Variants in DNAJC6 observed in about 807,000 individuals in gnomAD.
DNAJC6 encodes DnaJ heat shock protein family (Hsp40) member C6.
A neutral mutation model predicts 110.0 loss-of-function variants in DNAJC6; 34 were observed. The ratio of observed to expected loss-of-function variants is 0.31; its 90% CI spans 0.24 to 0.41. The LOEUF is 0.41. DNAJC6 is among the 10% of genes least tolerant of loss of function. The probability of loss-of-function intolerance (pLI) is 1.00; values close to 1 mark genes in which losing one functional copy is unlikely to be tolerated. For missense variants in DNAJC6, 1,031 were observed against 1,207.8 expected (o/e 0.85, Z 2.17); for synonymous variants, 406 against 437.2 (o/e 0.93, Z 0.89).
chr1:65,266,959 C>T lies in DNAJC6; in HGVS notation c.-131+2027C>T, dbSNP rs190452903. 4.8e-3 allele frequency among the ~76,000 whole-genome samples: 725 copies of T among 150,008 alleles called. 11 individuals carry two copies. Among genetic ancestry groups the T allele is most frequent in the African/African-American group, 0.017 (674 of 40,670 alleles). On this transcript the variant is annotated intron_variant, in intron 1 of 19. Transcript: ENST00000263441. ...TCGCCCAGGTTGGAGTGCAATGGTG[C>T]GATCTCGGCCCACTGCAACCTCTGC...
At chr1:65,312,078 T>C (rs1178563725) in intron 1 of DNAJC6, among the ~76,000 whole-genome samples, 1 of 152,200 alleles carries the variant, frequency 6.6e-6, no homozygotes, top group Non-Finnish European at 1.5e-5. Context: ...TAATAATCTG[T>C]TGTGATGGGA....
At chr1:65,380,002 C>T (rs902740169) in intron 5 of DNAJC6, among the ~76,000 whole-genome samples, 15 of 152,168 alleles carry the variant, frequency 9.9e-5, no homozygotes, top group African/African-American at 3.4e-4. Context: ...TGACCATTGA[C>T]TTCCTAGAGT....
intron 1 of DNAJC6, among the ~76,000 whole-genome samples, chr1:65,271,960 G>A (rs1653520606): frequency 6.6e-6 from 1 of 151,608 alleles, no homozygotes; most frequent in South Asian, 2.1e-4. Flanking sequence ...AATTTCAATA[G>A]TTTTTAGATT....
At chr1:65,321,591 C>T (rs769183679) in intron 1 of DNAJC6, among the ~76,000 whole-genome samples, 2 of 152,268 alleles carry the variant, frequency 1.3e-5, no homozygotes, top group South Asian at 2.1e-4. Context: ...CATATATCCC[C>T]TGCCCCTACA....
At position 65,394,983 on chromosome 1, in the gene DNAJC6, C is replaced by A; in HGVS notation, c.1989C>A (p.Ser663=). The A allele has an allele frequency of 6.2e-7, 1 of 1,612,394 alleles. No individual in the cohort carries two copies. The highest frequency in any genetic ancestry group is 8.5e-7 in the Non-Finnish European group (1 of 1,179,486). ...CTTTTCTGAACACATCCAGTGCTTCCAGTGACCCCTTTCTCCAGCCAACAA... is the reference window on the plus strand; with the variant it reads ...CTTTTCTGAACACATCCAGTGCTTCAAGTGACCCCTTTCTCCAGCCAACAA... ...LGSFLNTSSA[S]SDPFLQPTRS... Residue 663 remains serine (S), a synonymous_variant, in exon 13 of 19, where the codon TCC becomes TCA. Coordinates refer to ENST00000371069, the MANE Select transcript of DNAJC6 (RefSeq NM_001256864.2).
In DNAJC6 at chr1:65,276,977, C is replaced by G. The variant is rs145665371; in HGVS notation, c.-131+12045C>G. Among the ~76,000 whole-genome samples the G allele has an allele frequency of 3.8e-3, 586 of 152,226 alleles. 7 individuals carry two copies. Among genetic ancestry groups the G allele is most frequent in the Middle Eastern group, 0.014 (4 of 294 alleles). The stretch of plus-strand genomic sequence containing the variant: ...AGTCAGGCTCACCTCAGTGAGCCTC[C>G]CCTCTCTCCAAGATCTGGTTCCTCA... On this transcript the variant is annotated intron_variant, in intron 1 of 19. Coordinates refer to the DNAJC6 transcript ENST00000263441.
At chr1:65,381,924 A>G (rs892940012) in intron 5 of DNAJC6, among the ~76,000 whole-genome samples, 2 of 152,226 alleles carry the variant, frequency 1.3e-5, no homozygotes, top group South Asian at 2.1e-4. Context: ...AAATTAATTC[A>G]CTCTCAAGGC....
At chr1:65,375,456 C>T (rs1443474429) in intron 4 of DNAJC6, among the ~76,000 whole-genome samples, 23 of 146,732 alleles carry the variant, frequency 1.6e-4, no homozygotes, top group Admixed American at 1.4e-3. Context: ...GACGGAGTCT[C>T]GCTCTGTCAC....
chr1:65,411,118 C>G (rs1029931186), intron 17 of DNAJC6, 132 bp from the exon 18 acceptor site: 1 of 772,184 alleles, frequency 1.3e-6, no homozygotes, highest in African/African-American at 1.8e-5. Flanking sequence ...GTAGAGGAAA[C>G]AGCCTGGATC....
At chr1:65,366,775 T>C (rs1050836349) in intron 4 of DNAJC6, among the ~76,000 whole-genome samples, 6 of 152,270 alleles carry the variant, frequency 3.9e-5, no homozygotes, top group Middle Eastern at 3.4e-3. Context: ...GGCATTTTTT[T>C]CCCCTCTCAA....
intron 15 of DNAJC6, among the ~76,000 whole-genome samples, chr1:65,402,418 A>G (rs1646039039): frequency 6.6e-6 from 1 of 152,226 alleles, no homozygotes; most frequent in African/African-American, 2.4e-5. Flanking sequence ...ATGTTACAGG[A>G]TAAGTGTTCT....
At chr1:65,336,040 T>C in intron 1 of DNAJC6, among the ~76,000 whole-genome samples, 1 of 152,182 alleles carries the variant, frequency 6.6e-6, no homozygotes, top group Non-Finnish European at 1.5e-5. Context: ...AAATATTATA[T>C]ACATTTGTAT....
At chr1:65,369,951 A>G (rs1021628665) in intron 4 of DNAJC6, among the ~76,000 whole-genome samples, 1 of 152,222 alleles carries the variant, frequency 6.6e-6, no homozygotes, top group African/African-American at 2.4e-5. Flanking sequence ...CTACAACTCA[A>G]AACAATGCAT....
At chr1:65,264,787 G>T in exon 1 of DNAJC6, 1 of 1,512,768 alleles carries the variant, frequency 6.6e-7, no homozygotes, top group South Asian at 1.3e-5. Flanking sequence ...ATCATAGCCC[G>T]AGTGCTCCTC....
intron 1 of DNAJC6, among the ~76,000 whole-genome samples, chr1:65,285,959 C>A (rs1370093860): frequency 1.3e-5 from 2 of 152,210 alleles, no homozygotes. Flanking sequence ...GCATGAGCCA[C>A]CATGCCCCAC....
At chr1:65,336,174 C>T (rs1421205508) in intron 1 of DNAJC6, among the ~76,000 whole-genome samples, 1 of 152,130 alleles carries the variant, frequency 6.6e-6, no homozygotes, top group Non-Finnish European at 1.5e-5. Flanking sequence ...ACAATCATGG[C>T]AGAAGGGGAA....
At chr1:65,408,251 A>T (rs1045872103) in intron 16 of DNAJC6, among the ~76,000 whole-genome samples, 1 of 152,194 alleles carries the variant, frequency 6.6e-6, no homozygotes, top group Non-Finnish European at 1.5e-5. Context: ...ATATCAACAG[A>T]ATATGGGCAG....
chr1:65,414,018 A>C lies in DNAJC6; in HGVS notation c.*993A>C, dbSNP rs924296759. ...GTAAGAGAATGGAAGGCAACACTGA[A>C]TAGGAGTTAAGGGAATGGCACGATC... On this transcript the variant is annotated 3_prime_UTR_variant, in exon 19 of 19. Coordinates refer to ENST00000371069, the MANE Select transcript of DNAJC6 (RefSeq NM_001256864.2). 7 of 152,232 alleles carry C rather than the reference A, an allele frequency of 4.6e-5. No individual in the cohort carries two copies. Among genetic ancestry groups the C allele is most frequent in the Admixed American group, 4.6e-4 (7 of 15,282 alleles). 9.4% of individuals were successfully genotyped at this position (152,232 alleles called of 1,614,324 possible). A position where few individuals can be genotyped will look rare whatever the true frequency, so the allele number is the denominator to read the frequency against.
At chr1:65,380,690 G>A (rs1356574382) in intron 5 of DNAJC6, among the ~76,000 whole-genome samples, 1 of 152,092 alleles carries the variant, frequency 6.6e-6, no homozygotes, top group East Asian at 1.9e-4. Flanking sequence ...ATGGAGGAAA[G>A]ATGGCTCAAT....
Sources: gnomAD v4.1 joint callset for allele counts (sites outside exome capture counted in the v4.1 genomes callset) on GRCh38, gnomAD v4.1.1 for gene constraint, MANE v1.5 for transcripts, NCBI Gene and HGNC (gene_info 2026-07-23, HGNC 2026-07-21) for gene names.